The following RNF214 variants were observed in gnomAD, a reference collection of about 807,000 sequenced individuals.
RNF214 encodes ring finger protein 214.
RNF214 carries 25 observed loss-of-function variants against 75.9 expected under a neutral mutation model. The ratio of observed to expected loss-of-function variants is 0.33; its 90% CI spans 0.24 to 0.46. The LOEUF (loss-of-function observed/expected upper bound fraction) is 0.46. RNF214 is among the 20% of genes least tolerant of loss of function. RNF214 has a pLI of 1.00. For synonymous variants in RNF214, 314 were observed against 308.8 expected (o/e 1.02, Z -0.18); for missense variants, 725 against 857.5 (o/e 0.85, Z 1.93).
intron 6 of RNF214, among the ~76,000 whole-genome samples, chr11:117,248,107 G>C (rs2033275649): frequency 1.3e-5 from 2 of 151,916 alleles, no homozygotes; most frequent in Admixed American, 1.3e-4. Context: ...ACGGAGTCTT[G>C]CTCTGTTCCC....
chr11:117,281,953 C>T lies in RNF214; in HGVS notation c.1395C>T (p.Phe465=). The T allele has an allele frequency of 6.2e-7, 1 of 1,614,090 alleles. No individual in the cohort carries two copies. The highest frequency in any genetic ancestry group is 8.5e-7 in the Non-Finnish European group (1 of 1,179,946). The change falls in exon 11 of 15, where the codon TTC becomes TTT. Residue 465 remains phenylalanine, a synonymous_variant. Coordinates refer to ENST00000300650, the MANE Select transcript of RNF214 (RefSeq NM_207343.4). ...PSPSLAPRMP[F]SIGQVTMPMV... is the part of the protein sequence containing the mutation. ...CCTCTCTGGCTCCTCGGATGCCCTT[C>T]TCCATTGGGCAGGTCACAATGCCCA...
In RNF214 at chr11:117,285,117, A is replaced by G; in HGVS notation, c.2078A>G (p.Asn693Ser). 1 of 1,612,914 alleles carries G rather than the reference A, an allele frequency of 6.2e-7. No individual in the cohort carries two copies. Among genetic ancestry groups the G allele is most frequent in the Non-Finnish European group, 8.5e-7 (1 of 1,178,978 alleles). The change falls in exon 15 of 15, where the codon AAT becomes AGT. Residue 693 changes from asparagine (N) to serine (S), a missense_variant. Physicochemically the swap from Asn to Ser is conservative, Grantham distance 46 (BLOSUM62 1). Transcript: ENST00000300650. Reference protein sequence around the residue: ...CIKFWAQTNTNDTCPFCPTLK With the variant: ...CIKFWAQTNTSDTCPFCPTLK ...AAATTCTGGGCCCAGACCAACACAAATGACACTTGTCCCTTTTGTCCAACT... is the reference window on the plus strand; with the variant it reads ...AAATTCTGGGCCCAGACCAACACAAGTGACACTTGTCCCTTTTGTCCAACT...
rs1412929345 is a variant in RNF214, at chr11:117,232,730, C to G, written c.-7+4C>G. 2.6e-5 allele frequency: 4 copies of G among 151,048 alleles called. No individual in the cohort carries two copies. Among genetic ancestry groups the G allele is most frequent in the African/African-American group, 9.7e-5 (4 of 41,230 alleles). The allele number at this position is 151,048 out of a possible 1,614,324, so 9.4% of individuals were successfully genotyped here. A position where few individuals can be genotyped will look rare whatever the true frequency, so the allele number is the denominator to read the frequency against. On this transcript the variant is annotated splice_donor_region_variant and intron_variant, in intron 1 of 14. Coordinates refer to ENST00000300650, the MANE Select transcript of RNF214 (RefSeq NM_207343.4). ...TCCCCCCGCTCCGCCCGCTCAGGTG[C>G]GTCCCGTCCCTCCCCCACTTTCCTC... is the stretch of plus-strand genomic sequence containing the variant.
chr11:117,239,203 C>A (rs1484834257), intron 3 of RNF214, 92 bp downstream of exon 3: 7 of 1,373,146 alleles, frequency 5.1e-6, no homozygotes, highest in Non-Finnish European at 6.9e-6. Context: ...GGAGAACTTG[C>A]TGGCTTGTTT....
intron 6 of RNF214, among the ~76,000 whole-genome samples, chr11:117,257,935 T>C (rs542721171): frequency 2.0e-4 from 30 of 152,306 alleles, no homozygotes; most frequent in African/African-American, 6.7e-4. Flanking sequence ...TATTTTGTTA[T>C]GAAAATTTTC....
At chr11:117,250,821 C>G (rs1435129280) in intron 6 of RNF214, among the ~76,000 whole-genome samples, 5 of 146,160 alleles carry the variant, frequency 3.4e-5, no homozygotes, top group East Asian at 2.0e-4. Context: ...TGACTCTTAA[C>G]GAGCATGCTG....
intron 6 of RNF214, among the ~76,000 whole-genome samples, chr11:117,277,866 C>T (rs574006302): frequency 1.7e-4 from 26 of 151,440 alleles, no homozygotes; most frequent in African/African-American, 5.3e-4. Flanking sequence ...TCCAGCTACT[C>T]GGGAGGCTGA....
At chr11:117,258,838 T>A (rs532255861) in intron 6 of RNF214, among the ~76,000 whole-genome samples, 1 of 152,374 alleles carries the variant, frequency 6.6e-6, no homozygotes, top group South Asian at 2.1e-4. Context: ...CATGTTCCAG[T>A]GCTTCACATA....
intron 6 of RNF214, among the ~76,000 whole-genome samples, chr11:117,247,744 G>A (rs1465364703): frequency 6.6e-6 from 1 of 151,808 alleles, no homozygotes. Flanking sequence ...TCAGCTACTC[G>A]GGAAGCTGAG....
At chr11:117,234,410 C>A (rs1344829415) in intron 2 of RNF214, 31 bp downstream of exon 2, 1 of 1,498,580 alleles carries the variant, frequency 6.7e-7, no homozygotes, top group South Asian at 1.1e-5. Context: ...TGGGAAGATT[C>A]ATTTGGGTAA....
At position 117,239,388 on chromosome 11, in the gene RNF214, G is replaced by C. The variant is rs567114415; in HGVS notation, c.618+277G>C. 78 of 508,090 alleles carry C rather than the reference G, an allele frequency of 1.5e-4. 1 individual carries two copies. The East Asian group carries it at 2.6e-3, about 17-fold the overall frequency. The allele number at this position is 508,090 out of a possible 1,614,324, so 31.5% of individuals were successfully genotyped here. A position where few individuals can be genotyped will look rare whatever the true frequency, so the allele number is the denominator to read the frequency against. On this transcript the variant is annotated intron_variant, in intron 3 of 14. Coordinates refer to ENST00000300650, the MANE Select transcript of RNF214 (RefSeq NM_207343.4). ...TTTCACTGAGTAACTGATGAGTGCA[G>C]GACATTAGCATTCATATTTATCATC...
chr11:117,240,403 A>G (rs1410987229), intron 4 of RNF214, among the ~76,000 whole-genome samples: 1 of 151,106 alleles, frequency 6.6e-6, no homozygotes, highest in African/African-American at 2.4e-5. Context: ...AAAAAAAAAA[A>G]AAGGCCGGGC....
In RNF214 at chr11:117,282,202, G is replaced by T. The variant is rs2034142775; in HGVS notation, c.1644G>T (p.Arg548=). 2 of 1,612,760 alleles carry T rather than the reference G, an allele frequency of 1.2e-6. No homozygotes were observed. Among genetic ancestry groups the T allele is most frequent in the Non-Finnish European group, 1.7e-6 (2 of 1,179,354 alleles). ...GGVKASAETP[R]PQPVDKLEKI... ...TTAAGGCTTCTGCTGAAACTCCCCGGCCCCAACCAGTAGACAAACTGGAGA... is the reference window on the plus strand; with the variant it reads ...TTAAGGCTTCTGCTGAAACTCCCCGTCCCCAACCAGTAGACAAACTGGAGA... Residue 548 remains arginine (R), a synonymous_variant, in exon 11 of 15, where the codon CGG becomes CGT. Transcript: ENST00000300650.
At chr11:117,253,116 C>CA (rs1287329995) in intron 6 of RNF214, among the ~76,000 whole-genome samples, 1 of 151,620 alleles carries the variant, frequency 6.6e-6, no homozygotes, top group Non-Finnish European at 1.5e-5. Context: ...GAGCTCAAGC[C>CA]ATCCTCCTGC....
At chr11:117,273,695 G>C (rs756558965) in intron 6 of RNF214, among the ~76,000 whole-genome samples, 3 of 152,170 alleles carry the variant, frequency 2.0e-5, no homozygotes, top group Non-Finnish European at 4.4e-5. Context: ...CATTTCCCCT[G>C]AGGAGTTATG....
At chr11:117,242,746 T>G (rs886524169) in intron 4 of RNF214, among the ~76,000 whole-genome samples, 1 of 152,106 alleles carries the variant, frequency 6.6e-6, no homozygotes, top group Non-Finnish European at 1.5e-5. Flanking sequence ...CCAACTACTC[T>G]GGAGGCTGAG....
chr11:117,255,563 G>A (rs2033500879), intron 6 of RNF214, among the ~76,000 whole-genome samples: 1 of 151,700 alleles, frequency 6.6e-6, no homozygotes, highest in African/African-American at 2.4e-5. Flanking sequence ...CTGTTGCCCA[G>A]GCTGGTCTTG....
intron 6 of RNF214, among the ~76,000 whole-genome samples, chr11:117,276,931 G>A (rs1363056667): frequency 1.3e-5 from 2 of 152,182 alleles, no homozygotes; most frequent in East Asian, 1.9e-4. Context: ...ACTCTGTAAT[G>A]TATTTCACAT....
At chr11:117,244,612 A>G (rs892562728) in intron 5 of RNF214, 27 bp downstream of exon 5, 9 of 1,570,884 alleles carry the variant, frequency 5.7e-6, no homozygotes, top group African/African-American at 4.1e-5. Flanking sequence ...GAAATTGTCA[A>G]TGAGTTAAGC....
Sources: gnomAD v4.1 joint callset for allele counts (sites outside exome capture counted in the v4.1 genomes callset) on GRCh38, gnomAD v4.1.1 for gene constraint, MANE v1.5 for transcripts, NCBI Gene and HGNC (gene_info 2026-07-23, HGNC 2026-07-21) for gene names.